SPTLC1: variants seen among roughly 807,000 people sequenced by gnomAD.
SPTLC1 encodes the protein serine palmitoyltransferase 1.
Under a neutral mutation model 68.9 loss-of-function variants are expected in SPTLC1, and 55 were observed. The ratio of observed to expected loss-of-function variants is 0.80; its 90% CI spans 0.64 to 1.00. The LOEUF (loss-of-function observed/expected upper bound fraction) is 1.00. SPTLC1 is among the 50% of genes least tolerant of loss of function. SPTLC1 has a pLI of 0.00. For synonymous variants in SPTLC1, 197 were observed against 201.6 expected (o/e 0.98, Z 0.19); for missense variants, 449 against 573.1 (o/e 0.78, Z 2.21).
intron 3 of SPTLC1, chr9:92,104,745 G>A (rs1835893777): frequency 6.5e-7 from 1 of 1,533,230 alleles, no homozygotes; most frequent in African/African-American, 1.4e-5. Flanking sequence ...TGTAGCAATG[G>A]GGAAGCAGCT....
intron 6 of SPTLC1, among the ~76,000 whole-genome samples, chr9:92,063,606 CAA>C (rs1306718783): frequency 6.6e-6 from 1 of 151,820 alleles, no homozygotes; most frequent in Non-Finnish European, 1.5e-5. Context: ...AAATCCTTAA[CAA>C]AAGACTGGCA....
chr9:92,076,641 C>A (rs1834690851), intron 5 of SPTLC1, among the ~76,000 whole-genome samples: 1 of 152,114 alleles, frequency 6.6e-6, no homozygotes, highest in Admixed American at 6.5e-5. Flanking sequence ...ATCCTCAAAA[C>A]AATCACCTCT....
chr9:92,078,551 T>G (rs1019446612), intron 5 of SPTLC1, among the ~76,000 whole-genome samples: 1 of 152,138 alleles, frequency 6.6e-6, no homozygotes, highest in Non-Finnish European at 1.5e-5. Context: ...CTCAACCTCC[T>G]AGGATCAAGG....
At chr9:92,045,636 G>C (rs1833489386) in intron 12 of SPTLC1, among the ~76,000 whole-genome samples, 1 of 149,998 alleles carries the variant, frequency 6.7e-6, no homozygotes, top group South Asian at 2.1e-4. Context: ...TATGAACCCA[G>C]TCATCTAATT....
chr9:92,079,032 T>C (rs1587952347), intron 5 of SPTLC1: 2 of 964,310 alleles, frequency 2.1e-6, no homozygotes, highest in Non-Finnish European at 2.5e-6. Flanking sequence ...TGTCATTTTA[T>C]AAGCCAAAAT....
At chr9:92,107,932 C>A (rs1836065311) in intron 3 of SPTLC1, 1 of 152,090 alleles carries the variant, frequency 6.6e-6, no homozygotes, top group Non-Finnish European at 1.5e-5. Context: ...TGGCAACAGG[C>A]ATATATGGTA....
chr9:92,086,611 A>C (rs1180998691), intron 3 of SPTLC1, among the ~76,000 whole-genome samples: 4 of 152,290 alleles, frequency 2.6e-5, no homozygotes, highest in Admixed American at 6.5e-5. Flanking sequence ...CTGAGAGATC[A>C]GCTGTTAGTC....
chr9:92,058,515 A>G (rs757204403), intron 7 of SPTLC1, among the ~76,000 whole-genome samples: 49 of 152,204 alleles, frequency 3.2e-4, no homozygotes, highest in Non-Finnish European at 6.5e-4. Flanking sequence ...TGTAATTTTA[A>G]CAATGATGCT....
At chr9:92,037,854 G>C (rs1169631687) in intron 13 of SPTLC1, among the ~76,000 whole-genome samples, 1 of 152,168 alleles carries the variant, frequency 6.6e-6, no homozygotes, top group African/African-American at 2.4e-5. Flanking sequence ...AGCCGTCCAG[G>C]AATGTGTGCT....
chr9:92,112,809 T>TA (rs1407979177), intron 1 of SPTLC1, among the ~76,000 whole-genome samples: 1 of 152,040 alleles, frequency 6.6e-6, no homozygotes, highest in African/African-American at 2.4e-5. Context: ...AAATTAAAAT[T>TA]AAAAAAATAA....
chr9:92,084,490 T>C (rs952752830), intron 3 of SPTLC1, among the ~76,000 whole-genome samples: 1 of 152,236 alleles, frequency 6.6e-6, no homozygotes, highest in Non-Finnish European at 1.5e-5. Context: ...CTGCATCTAT[T>C]GAGATAATCA....
intron 6 of SPTLC1, among the ~76,000 whole-genome samples, chr9:92,067,447 C>T (rs908311168): frequency 1.3e-5 from 2 of 152,248 alleles, no homozygotes; most frequent in African/African-American, 4.8e-5. Context: ...CCAGCCCTTG[C>T]TTGGCTGTAC....
chr9:92,034,894 A>G lies in SPTLC1; in HGVS notation c.1255-11T>C, dbSNP rs1405704198. Reference sequence around the variant, plus strand: ...ACTTCTGTTCATGCACTGTAGGAAGAAAAAGAAGACATCTGCAACCTGGAC... The same window carrying G: ...ACTTCTGTTCATGCACTGTAGGAAGGAAAAGAAGACATCTGCAACCTGGAC... On this transcript the variant is annotated splice_polypyrimidine_tract_variant and intron_variant, in intron 13 of 14. Coordinates refer to ENST00000262554, the MANE Select transcript of SPTLC1 (RefSeq NM_006415.4). The G allele has an allele frequency of 1.2e-5, 19 of 1,613,336 alleles. No individual in the cohort carries two copies. The highest frequency in any genetic ancestry group is 1.6e-5 in the Non-Finnish European group (19 of 1,179,366).
intron 8 of SPTLC1, chr9:92,051,128 C>T: frequency 1.0e-6 from 1 of 985,070 alleles, no homozygotes; most frequent in Non-Finnish European, 1.2e-6. Context: ...CAACCATTGA[C>T]ACTCTTACAA....
intron 13 of SPTLC1, 89 bp downstream of exon 13, chr9:92,038,159 G>T: frequency 4.5e-6 from 4 of 893,638 alleles, no homozygotes; most frequent in East Asian, 4.8e-5. Flanking sequence ...AGGGCAAAGA[G>T]ACTTTTCTTA....
chr9:92,038,445 C>G (rs1833224395), intron 12 of SPTLC1, 80 bp from the exon 13 acceptor site: 1 of 924,534 alleles, frequency 1.1e-6, no homozygotes, highest in Non-Finnish European at 1.8e-6. Flanking sequence ...TGTTAGAAGT[C>G]CACAATGTCA....
chr9:92,101,337 C>T (rs1261875655), intron 3 of SPTLC1, among the ~76,000 whole-genome samples: 7 of 151,516 alleles, frequency 4.6e-5, no homozygotes, highest in East Asian at 1.9e-4. Context: ...CCGAGGTGGG[C>T]GGATCACGAG....
In SPTLC1 at chr9:92,093,121, A is replaced by T. The variant is rs532409483; in HGVS notation, c.261-12158T>A. Reference sequence around the variant, plus strand: ...TGTTCAACTAAGTTAGAAAAAGAACAGAGTACACCTAAGAGATATATTAAT... The same window carrying T: ...TGTTCAACTAAGTTAGAAAAAGAACTGAGTACACCTAAGAGATATATTAAT... On this transcript the variant is annotated intron_variant, in intron 3 of 14. Transcript: ENST00000262554. Among the ~76,000 whole-genome samples, 18 of 152,364 alleles carry T rather than the reference A, an allele frequency of 1.2e-4. 1 individual carries two copies. The East Asian group carries it at 3.5e-3, about 29-fold the overall frequency.
chr9:92,104,495 C>T (rs1835881637), intron 3 of SPTLC1: 1 of 1,418,544 alleles, frequency 7.0e-7, no homozygotes, highest in Admixed American at 2.0e-5. Context: ...GTCTGGAGCC[C>T]CCCCCTCAAG....
Sources: gnomAD v4.1 joint callset for allele counts (sites outside exome capture counted in the v4.1 genomes callset) on GRCh38, gnomAD v4.1.1 for gene constraint, MANE v1.5 for transcripts, NCBI Gene and HGNC (gene_info 2026-07-23, HGNC 2026-07-21) for gene names.